Variants in RGS7 observed in about 807,000 individuals in gnomAD.
RGS7 encodes the protein regulator of G protein signaling 7, also known as regulator of G-protein signaling 7.
RGS7 carries 27 observed loss-of-function variants against 81.1 expected under a neutral mutation model. The observed-to-expected ratio is 0.33, with a 90% CI of 0.25 to 0.46. The LOEUF is 0.46. RGS7 is among the 20% of genes least tolerant of loss of function. RGS7 has a pLI of 1.00. For synonymous variants in RGS7, 208 were observed against 207.7 expected (o/e 1.00, Z -0.01); for missense variants, 396 against 607.4 (o/e 0.65, Z 3.66).
chr1:241,254,145 AGCCAAGATGGC>A (rs2148232710), intron 2 of RGS7, among the ~76,000 whole-genome samples: 1 of 150,462 alleles, frequency 6.6e-6, no homozygotes, highest in South Asian at 2.1e-4. Context: ...GCTTGCAGTG[AGCCAAGATGGC>A]GCCACTGCAC....
At chr1:241,198,964 A>G (rs1253391348) in intron 2 of RGS7, among the ~76,000 whole-genome samples, 1 of 152,138 alleles carries the variant, frequency 6.6e-6, no homozygotes, top group Non-Finnish European at 1.5e-5. Context: ...TAATATAGAA[A>G]AAAGATAATA....
intron 3 of RGS7, among the ~76,000 whole-genome samples, chr1:241,015,727 C>A (rs887372530): frequency 2.0e-5 from 3 of 152,112 alleles, no homozygotes; most frequent in African/African-American, 4.8e-5. Flanking sequence ...TAAGAAATGG[C>A]AATGATATTT....
At chr1:241,107,217 C>G (rs1465923095) in intron 2 of RGS7, among the ~76,000 whole-genome samples, 1 of 152,148 alleles carries the variant, frequency 6.6e-6, no homozygotes. Context: ...CTTAGTTCTT[C>G]AATGCACAGA....
At chr1:241,327,138 GAAAGAAAGGAAAGAAA>G (rs1333722276) in intron 2 of RGS7, among the ~76,000 whole-genome samples, 1 of 104,634 alleles carries the variant, frequency 9.6e-6, no homozygotes, top group East Asian at 2.9e-4. Context: ...AAGAAAGAAA[GAAAGAAAGGAAAGAAA>G]GAAAGAAAGA....
intron 2 of RGS7, among the ~76,000 whole-genome samples, chr1:241,197,717 T>C (rs907267828): frequency 6.6e-6 from 1 of 151,322 alleles, no homozygotes; most frequent in African/African-American, 2.4e-5. Flanking sequence ...GGTAAATTAT[T>C]AGAAGTAAAA....
intron 4 of RGS7, among the ~76,000 whole-genome samples, chr1:240,967,691 G>C (rs1682564468): frequency 6.6e-6 from 1 of 151,982 alleles, no homozygotes; most frequent in African/African-American, 2.4e-5. Context: ...GAGTAGGAAA[G>C]ACACTGAGTG....
intron 2 of RGS7, among the ~76,000 whole-genome samples, chr1:241,321,851 G>A (rs1341965455): frequency 6.6e-6 from 1 of 152,094 alleles, no homozygotes; most frequent in Admixed American, 6.5e-5. Context: ...ATTAGTTGTG[G>A]AATAAAGTCC....
chr1:241,041,925 T>C lies in RGS7; in HGVS notation c.175+56741A>G, dbSNP rs570984034. 2.3e-4 allele frequency among the ~76,000 whole-genome samples: 35 copies of C among 152,240 alleles called. No individual in the cohort carries two copies. The Middle Eastern group carries it at 0.01, about 44-fold the overall frequency. On this transcript the variant is annotated intron_variant, in intron 3 of 18. Coordinates refer to ENST00000440928, the MANE Select transcript of RGS7 (RefSeq NM_001364886.1). ...TATTTGTTGTTGTGTCCCTGGAACC[T>C]ACCAAGTACTAGAGCATCGTGGGCT...
chr1:241,144,443 G>A lies in RGS7; in HGVS notation c.79-45681C>T, dbSNP rs141852587. 2.0e-5 allele frequency among the ~76,000 whole-genome samples: 3 copies of A among 152,224 alleles called. No individual in the cohort carries two copies. Among genetic ancestry groups the A allele is most frequent in the East Asian group, 1.9e-4 (1 of 5,166 alleles). On this transcript the variant is annotated intron_variant, in intron 2 of 18. Transcript: ENST00000440928. This position sits in a 1 kb window ranked among gnomAD's most constrained non-coding sequence, Gnocchi z 4.7. Reference sequence around the variant, plus strand: ...AACCTGATCCATTATTACTTACTGCGGTTCACGGAAGCAGCTTTGTAAACC... The same window carrying A: ...AACCTGATCCATTATTACTTACTGCAGTTCACGGAAGCAGCTTTGTAAACC...
intron 3 of RGS7, among the ~76,000 whole-genome samples, chr1:240,999,551 A>T (rs2148622486): frequency 6.6e-6 from 1 of 152,138 alleles, no homozygotes; most frequent in East Asian, 1.9e-4. Context: ...TGATATATAT[A>T]TTTTTTCCAT....
chr1:241,151,525 T>C (rs1572901460), intron 2 of RGS7, among the ~76,000 whole-genome samples: 1 of 150,700 alleles, frequency 6.6e-6, no homozygotes, highest in Non-Finnish European at 1.5e-5. Context: ...ACACTGCAGA[T>C]AGGAGATGTC....
At chr1:241,302,195 C>T (rs1323342327) in intron 2 of RGS7, among the ~76,000 whole-genome samples, 2 of 152,200 alleles carry the variant, frequency 1.3e-5, no homozygotes, top group East Asian at 3.9e-4. Flanking sequence ...ATTGCAGGAA[C>T]AGCAGGAGGG....
At chr1:241,022,056 G>A (rs181680921) in intron 3 of RGS7, among the ~76,000 whole-genome samples, 27 of 152,270 alleles carry the variant, frequency 1.8e-4, no homozygotes, top group Non-Finnish European at 2.9e-4. Context: ...AGGGTCCTAC[G>A]ATGACAATAT....
chr1:241,209,352 C>T (rs1055897977), intron 2 of RGS7, among the ~76,000 whole-genome samples: 2 of 151,990 alleles, frequency 1.3e-5, no homozygotes, highest in East Asian at 1.9e-4. Context: ...TTTAACAAAC[C>T]GCGAGCTTAC....
rs1216422175 is a variant in RGS7, at chr1:241,157,819, TTC to T, written c.79-59059_79-59058del. On this transcript the variant is annotated intron_variant, in intron 2 of 18. Coordinates refer to ENST00000440928, the MANE Select transcript of RGS7 (RefSeq NM_001364886.1). ...ATAAACTTTTTTCTTTTCTTTTCTT[TTC>T]TTTTTTTTTTTTTTTGATACTGAGT... is the stretch of plus-strand genomic sequence containing the variant. Among the ~76,000 whole-genome samples, 31 of 69,322 alleles carry T rather than the reference TTC, an allele frequency of 4.5e-4. 1 individual carries two copies. The highest frequency in any genetic ancestry group is 3.1e-3 in the African/African-American group (28 of 8,984). The allele number at this position is 69,322 out of a possible 152,430, so 45.5% of individuals were successfully genotyped here.
chr1:240,917,258 A>G (rs1178817150), intron 6 of RGS7, among the ~76,000 whole-genome samples: 1 of 152,214 alleles, frequency 6.6e-6, no homozygotes, highest in Non-Finnish European at 1.5e-5. Context: ...ATGTTTAAAA[A>G]CAGTTCTTCA....
intron 4 of RGS7, among the ~76,000 whole-genome samples, chr1:240,980,297 C>A (rs1402209111): frequency 6.6e-6 from 1 of 152,052 alleles, no homozygotes; most frequent in Non-Finnish European, 1.5e-5. Context: ...GATCATTCAG[C>A]CTTCTCCTCC....
intron 6 of RGS7, among the ~76,000 whole-genome samples, chr1:240,871,330 C>A (rs574881115): frequency 6.6e-6 from 1 of 152,138 alleles, no homozygotes; most frequent in African/African-American, 2.4e-5. Flanking sequence ...CACTTACCAC[C>A]CCAAGTTTTG....
intron 9 of RGS7, among the ~76,000 whole-genome samples, chr1:240,856,648 T>C (rs1030728638): frequency 2.0e-5 from 3 of 152,174 alleles, no homozygotes; most frequent in Non-Finnish European, 2.9e-5. Flanking sequence ...TATACAATCA[T>C]GCCTCAGAAC....
Sources: gnomAD v4.1 joint callset for allele counts (sites outside exome capture counted in the v4.1 genomes callset) on GRCh38, gnomAD v4.1.1 for gene constraint, Gnocchi (gnomAD v3.1) non-coding constraint, MANE v1.5 for transcripts, NCBI Gene and HGNC (gene_info 2026-07-23, HGNC 2026-07-21) for gene names.